ZNF423: variants seen among roughly 807,000 people sequenced by gnomAD.
ZNF423 encodes Ebf-associated zinc finger protein.
A neutral mutation model predicts 95.8 loss-of-function variants in ZNF423; 12 were observed. The ratio of observed to expected loss-of-function variants is 0.13; its 90% CI spans 0.08 to 0.20. The LOEUF (loss-of-function observed/expected upper bound fraction) is 0.20, where lower values mean the gene tolerates loss of function less well. ZNF423 is among the 10% of genes least tolerant of loss of function. The pLI, the probability that ZNF423 is intolerant of heterozygous loss-of-function variation, is 1.00. For synonymous variants in ZNF423, 749 were observed against 711.9 expected, an observed-to-expected ratio of 1.05 and a Z score of -0.83; for missense variants, 1,316 against 1,737.1, an observed-to-expected ratio of 0.76 and a Z score of 4.31.
intron 5 of ZNF423, among the ~76,000 whole-genome samples, chr16:49,615,219 C>T (rs1031943364): frequency 4.0e-5 from 6 of 151,596 alleles, no homozygotes; most frequent in South Asian, 2.1e-4. Flanking sequence ...TGGCTTGAGG[C>T]GTGGAGAGGG....
chr16:49,757,227 A>AT (rs1403018949), intron 2 of ZNF423, among the ~76,000 whole-genome samples: 2 of 152,132 alleles, frequency 1.3e-5, no homozygotes, highest in Non-Finnish European at 2.9e-5. Flanking sequence ...TTCCATTCTC[A>AT]TTTTTTCCTG....
At chr16:49,760,081 A>C (rs2033800017) in intron 2 of ZNF423, among the ~76,000 whole-genome samples, 1 of 128,324 alleles carries the variant, frequency 7.8e-6, no homozygotes, top group Non-Finnish European at 1.6e-5. Context: ...AGATGAGTGG[A>C]TGAATGGGTG....
intron 2 of ZNF423, among the ~76,000 whole-genome samples, chr16:49,777,456 A>G (rs1026605955): frequency 1.3e-5 from 2 of 152,188 alleles, no homozygotes; most frequent in African/African-American, 4.8e-5. Flanking sequence ...GTGCACATGC[A>G]TGCACACACA....
chr16:49,821,218 G>T (rs887048608), intron 1 of ZNF423, among the ~76,000 whole-genome samples: 1 of 151,472 alleles, frequency 6.6e-6, no homozygotes, highest in Non-Finnish European at 1.5e-5. Context: ...CTACCCAGAC[G>T]CGGAGGAAAA....
At chr16:49,619,695 C>T (rs1971991087) in intron 5 of ZNF423, among the ~76,000 whole-genome samples, 1 of 152,140 alleles carries the variant, frequency 6.6e-6, no homozygotes, top group African/African-American at 2.4e-5. Flanking sequence ...GAGAGGGAGA[C>T]ATTTTTATCA....
intron 3 of ZNF423, among the ~76,000 whole-genome samples, chr16:49,666,587 A>G (rs144617049): frequency 6.6e-6 from 1 of 152,324 alleles, no homozygotes; most frequent in Non-Finnish European, 1.5e-5. Context: ...GTTATACTCA[A>G]TTACATGCAT....
At chr16:49,845,838 C>T (rs1019381707) in intron 1 of ZNF423, among the ~76,000 whole-genome samples, 5 of 152,142 alleles carry the variant, frequency 3.3e-5, no homozygotes, top group African/African-American at 1.2e-4. Context: ...GCCACCACTG[C>T]ACCCAGCCAA....
intron 1 of ZNF423, among the ~76,000 whole-genome samples, chr16:49,833,762 T>G (rs2035086503): frequency 6.6e-6 from 1 of 151,524 alleles, no homozygotes; most frequent in Non-Finnish European, 1.5e-5. Context: ...CCACTGTATA[T>G]GTTATACTTG....
chr16:49,623,025 G>C (rs369865611), intron 5 of ZNF423, among the ~76,000 whole-genome samples: 41 of 152,188 alleles, frequency 2.7e-4, no homozygotes, highest in African/African-American at 9.4e-4. Context: ...TGGTAGACTG[G>C]GTTGATGAGG....
chr16:49,553,538 G>A (rs1307518197), intron 5 of ZNF423, among the ~76,000 whole-genome samples: 1 of 152,012 alleles, frequency 6.6e-6, no homozygotes, highest in African/African-American at 2.4e-5. Flanking sequence ...GTAAAGGTGA[G>A]GTCTTGCTAG....
intron 5 of ZNF423, among the ~76,000 whole-genome samples, chr16:49,614,110 G>A (rs1971803954): frequency 6.6e-6 from 1 of 152,118 alleles, no homozygotes; most frequent in South Asian, 2.1e-4. Flanking sequence ...TGGTAAAAAA[G>A]CAAATGATCC....
intron 3 of ZNF423, among the ~76,000 whole-genome samples, chr16:49,695,180 C>G (rs2031922459): frequency 6.6e-6 from 1 of 152,242 alleles, no homozygotes. Flanking sequence ...GTGGCGCGAT[C>G]TGGGCTCACT....
chr16:49,713,522 C>A (rs1346415553), intron 3 of ZNF423, among the ~76,000 whole-genome samples: 1 of 152,150 alleles, frequency 6.6e-6, no homozygotes, highest in Non-Finnish European at 1.5e-5. Flanking sequence ...TACAGCCAGT[C>A]TCTCCAGGTG....
chr16:49,700,379 C>T (rs1418398548), intron 3 of ZNF423, among the ~76,000 whole-genome samples: 1 of 152,224 alleles, frequency 6.6e-6, no homozygotes, highest in East Asian at 1.9e-4. Context: ...CTGAAGCCCA[C>T]AGGGCCTGCT....
chr16:49,753,010 G>A (rs142103555), intron 2 of ZNF423, among the ~76,000 whole-genome samples: 2 of 152,308 alleles, frequency 1.3e-5, no homozygotes, highest in Non-Finnish European at 2.9e-5. Flanking sequence ...TTGGGAGGCT[G>A]AGGCAGGTGG....
chr16:49,523,747 C>G lies in ZNF423; in HGVS notation c.3734-8G>C, dbSNP rs200126025. ...TGTTGGCCTGGACGAAGACTAGACA[C>G]AGACACGGCTGTCAGGGCCAAGCTC... On this transcript the variant is annotated splice_polypyrimidine_tract_variant and splice_region_variant and intron_variant, in intron 6 of 7. Transcript: ENST00000563137. 6.2e-7 allele frequency: 1 copy of G among 1,611,578 alleles called. No individual in the cohort carries two copies. Among genetic ancestry groups the G allele is most frequent in the South Asian group, 1.1e-5 (1 of 91,056 alleles).
Position 49,488,099 on chromosome 16 carries a change from G to C in ZNF423, c.*3176C>G, listed in dbSNP as rs1042864388. 3 of 152,234 alleles carry C rather than the reference G, an allele frequency of 2.0e-5. No homozygotes were observed. Among genetic ancestry groups the C allele is most frequent in the Non-Finnish European group, 4.4e-5 (3 of 68,064 alleles). The allele number at this position is 152,234 out of a possible 1,614,324, so 9.4% of individuals were successfully genotyped here. A position where few individuals can be genotyped will look rare whatever the true frequency, so the allele number is the denominator to read the frequency against. On this transcript the variant is annotated 3_prime_UTR_variant, in exon 8 of 8. Transcript: ENST00000563137. ...GCAGCTCAGTAAATACTTGCTGAATGGATGAGTAGAGGAAGGGATGGATTT... is the reference window on the plus strand; with the variant it reads ...GCAGCTCAGTAAATACTTGCTGAATCGATGAGTAGAGGAAGGGATGGATTT...
intron 2 of ZNF423, among the ~76,000 whole-genome samples, chr16:49,786,367 T>A (rs2034314270): frequency 6.6e-6 from 1 of 152,194 alleles, no homozygotes; most frequent in Non-Finnish European, 1.5e-5. Flanking sequence ...TCTGCTTCTT[T>A]ATTGCAGTTC....
intron 5 of ZNF423, among the ~76,000 whole-genome samples, chr16:49,596,940 C>A (rs1971200127): frequency 6.6e-6 from 1 of 152,232 alleles, no homozygotes; most frequent in Non-Finnish European, 1.5e-5. Context: ...GGGGCAGAAG[C>A]AAGAAGGATG....
Sources: allele counts gnomAD v4.1 joint callset (sites outside exome capture counted in the v4.1 genomes callset), GRCh38; gene constraint gnomAD v4.1.1; transcripts MANE v1.5; gene names NCBI Gene and HGNC (gene_info 2026-07-23, HGNC 2026-07-21).